SDK1: variants seen among roughly 807,000 people sequenced by gnomAD.
SDK1 encodes sidekick cell adhesion molecule 1.
In SDK1, 157 loss-of-function variants were observed where a neutral mutation model predicts 245.5. The observed-to-expected ratio is 0.64, with a 90% CI of 0.56 to 0.73. The LOEUF is 0.73. Among genes scored for constraint, SDK1 ranks in the 30% least tolerant of loss-of-function variants. SDK1 has a pLI of 0.00. For missense variants in SDK1, 3,583 were observed against 3,002.3 expected, an observed-to-expected ratio of 1.19 and a Z score of -4.52; for synonymous variants, 1,647 against 1,278.5, an observed-to-expected ratio of 1.29 and a Z score of -6.15.
intron 7 of SDK1, among the ~76,000 whole-genome samples, chr7:3,956,718 C>G (rs1233889665): frequency 6.6e-6 from 1 of 152,172 alleles, no homozygotes; most frequent in African/African-American, 2.4e-5. Context: ...AGTTTTCTCA[C>G]CAGGTGGCAT....
intron 5 of SDK1, among the ~76,000 whole-genome samples, chr7:3,894,246 C>T (rs979049663): frequency 6.6e-6 from 1 of 152,174 alleles, no homozygotes; most frequent in Admixed American, 6.5e-5. Flanking sequence ...TTACTTCTCC[C>T]TGTAACTTAA....
intron 1 of SDK1, among the ~76,000 whole-genome samples, chr7:3,583,173 G>C (rs1383418841): frequency 1.3e-5 from 2 of 152,188 alleles, no homozygotes; most frequent in Non-Finnish European, 2.9e-5. Context: ...GCAGCAGCTC[G>C]ACCTTGTTTA....
Position 3,406,324 on chromosome 7 carries a change from T to C in SDK1, c.298+104440T>C, listed in dbSNP as rs1779054180. ...TGTATCTGTGGGAAAGCTTTTCAGA[T>C]AGCCCAGACAATATAAATAGCCCTA... On this transcript the variant is annotated intron_variant, in intron 1 of 44. Coordinates refer to ENST00000404826, the MANE Select transcript of SDK1 (RefSeq NM_152744.4). Among the ~76,000 whole-genome samples the C allele has an allele frequency of 3.9e-5, 6 of 152,328 alleles. No homozygotes were observed. In the South Asian group the frequency reaches 1.2e-3, roughly 32 times the overall value.
At chr7:3,968,844 T>C (rs144644311) in intron 10 of SDK1, among the ~76,000 whole-genome samples, 43 of 152,332 alleles carry the variant, frequency 2.8e-4, no homozygotes, top group Non-Finnish European at 5.4e-4. Flanking sequence ...CACACTGATA[T>C]AAACACATAC....
chr7:3,950,135 C>T (rs527359969), intron 5 of SDK1, among the ~76,000 whole-genome samples: 2 of 152,198 alleles, frequency 1.3e-5, no homozygotes, highest in African/African-American at 2.4e-5. Context: ...CCACACAACA[C>T]ACAGAGCAGT....
At position 4,266,410 on chromosome 7, in the gene SDK1, C is replaced by T. The variant is rs1035857166; in HGVS notation, c.*1026C>T. On this transcript the variant is annotated 3_prime_UTR_variant, in exon 45 of 45. Transcript: ENST00000404826. ...AAAGCAAAACAGCTCTGAGAACACA[C>T]GCTCCCGACTCGCCTCGTGCACACC... is the stretch of plus-strand genomic sequence containing the variant. 1.3e-5 allele frequency: 13 copies of T among 985,172 alleles called. No homozygotes were observed. Among genetic ancestry groups the T allele is most frequent in the African/African-American group, 7.0e-5 (4 of 57,182 alleles). 61.0% of individuals were successfully genotyped at this position (985,172 alleles called of 1,614,324 possible). A position where few individuals can be genotyped will look rare whatever the true frequency, so the allele number is the denominator to read the frequency against.
chr7:4,067,856 A>G lies in SDK1; in HGVS notation c.2930A>G (p.His977Arg), dbSNP rs1318861606. The G allele has an allele frequency of 6.2e-7, 1 of 1,612,946 alleles. No homozygotes were observed. Among genetic ancestry groups the G allele is most frequent in the Admixed American group, 1.7e-5 (1 of 59,872 alleles). Residue 977 changes from histidine to arginine, a missense_variant, in exon 20 of 45, where the codon CAT (histidine) becomes CGT (arginine). By Grantham distance (29) the His-to-Arg change is conservative. Coordinates refer to ENST00000404826, the MANE Select transcript of SDK1 (RefSeq NM_152744.4). ...TTGGTAGAACCAGGAGCTGTGGGACATCTGAGTTTCACAGAGATCTTGGAC... is the reference window on the plus strand; with the variant it reads ...TTGGTAGAACCAGGAGCTGTGGGACGTCTGAGTTTCACAGAGATCTTGGAC... ...TQEDKPGAVGHLSFTEILDTS... is the reference protein window; with the variant it reads ...TQEDKPGAVGRLSFTEILDTS...
At chr7:3,466,979 TACACACACA>T (rs1413174733) in intron 1 of SDK1, among the ~76,000 whole-genome samples, 39 of 127,594 alleles carry the variant, frequency 3.1e-4, no homozygotes, top group East Asian at 1.1e-3. Context: ...TCTCTCTCTC[TACACACACA>T]CACACACACA....
intron 1 of SDK1, among the ~76,000 whole-genome samples, chr7:3,557,029 TAA>T (rs1200145811): frequency 3.3e-5 from 3 of 90,466 alleles, no homozygotes; most frequent in South Asian, 4.4e-4. Flanking sequence ...ATCAATAATC[TAA>T]GTTAATACCT....
chr7:3,950,356 C>A (rs900401030), intron 5 of SDK1, among the ~76,000 whole-genome samples: 1 of 152,198 alleles, frequency 6.6e-6, no homozygotes, highest in African/African-American at 2.4e-5. Flanking sequence ...TGTCATGCTC[C>A]GATCATCCCA....
intron 1 of SDK1, among the ~76,000 whole-genome samples, chr7:3,579,100 A>G (rs1358600639): frequency 1.3e-5 from 2 of 151,938 alleles, no homozygotes; most frequent in Non-Finnish European, 2.9e-5. Context: ...CTTTTCCTAT[A>G]TAAAGGGGGC....
At chr7:4,045,702 C>T (rs550241645) in intron 17 of SDK1, among the ~76,000 whole-genome samples, 2 of 152,228 alleles carry the variant, frequency 1.3e-5, no homozygotes, top group South Asian at 2.1e-4. Flanking sequence ...TCTCAAACTG[C>T]GAGGGCCTTG....
At chr7:3,499,376 T>TG (rs1474972641) in intron 1 of SDK1, among the ~76,000 whole-genome samples, 1 of 152,216 alleles carries the variant, frequency 6.6e-6, no homozygotes, top group Non-Finnish European at 1.5e-5. Context: ...TTTTTTTAAT[T>TG]GTCAGATGTA....
At position 4,002,742 on chromosome 7, in the gene SDK1, A is replaced by C. The variant is rs546940315; in HGVS notation, c.2132-8224A>C. Among the ~76,000 whole-genome samples, 9 of 152,358 alleles carry C rather than the reference A, an allele frequency of 5.9e-5. 1 individual carries two copies. The highest frequency in any genetic ancestry group is 2.2e-4 in the African/African-American group (9 of 41,576). On this transcript the variant is annotated intron_variant, in intron 14 of 44. Transcript: ENST00000404826. ...TTTTTACCCCTTTAAGGTGGAAAAAAATCTGGTTGGGAGATGGATATCTGG... is the reference window on the plus strand; with the variant it reads ...TTTTTACCCCTTTAAGGTGGAAAAACATCTGGTTGGGAGATGGATATCTGG...
At chr7:3,973,854 T>C (rs1368148026) in intron 12 of SDK1, among the ~76,000 whole-genome samples, 1 of 152,146 alleles carries the variant, frequency 6.6e-6, no homozygotes, top group Non-Finnish European at 1.5e-5. Context: ...TTCTTTTTTT[T>C]ATTATTTTTT....
At chr7:3,680,657 T>C (rs1444471259) in intron 4 of SDK1, among the ~76,000 whole-genome samples, 1 of 152,174 alleles carries the variant, frequency 6.6e-6, no homozygotes, top group Non-Finnish European at 1.5e-5. Flanking sequence ...GATTTTAAAA[T>C]ACAGGTTTGC....
At chr7:3,338,628 A>C (rs1275892038) in intron 1 of SDK1, 1 of 161,158 alleles carries the variant, frequency 6.2e-6, no homozygotes, top group Non-Finnish European at 1.2e-5. Context: ...ACAAACAAAC[A>C]AACAAAAAAA....
intron 17 of SDK1, among the ~76,000 whole-genome samples, chr7:4,038,218 C>A (rs1270569309): frequency 1.3e-5 from 2 of 152,228 alleles, no homozygotes; most frequent in Non-Finnish European, 2.9e-5. Context: ...AGAGGATCGA[C>A]TGAGGCCTCA....
At chr7:3,407,417 CT>C (rs1158444728) in intron 1 of SDK1, among the ~76,000 whole-genome samples, 4 of 152,300 alleles carry the variant, frequency 2.6e-5, no homozygotes, top group South Asian at 2.1e-4. Flanking sequence ...CCAAGTGACA[CT>C]TTTGGTGACA....
Sources: allele counts gnomAD v4.1 joint callset (sites outside exome capture counted in the v4.1 genomes callset), GRCh38; gene constraint gnomAD v4.1.1; transcripts MANE v1.5; gene names NCBI Gene and HGNC (gene_info 2026-07-23, HGNC 2026-07-21).